PCDH15: variants seen among roughly 807,000 people sequenced by gnomAD.
PCDH15 encodes the protein protocadherin-15.
In PCDH15, 129 loss-of-function variants were observed where a neutral mutation model predicts 178.5. The observed-to-expected ratio is 0.72, with a 90% CI of 0.63 to 0.84. PCDH15 has a LOEUF of 0.84. Ranked by LOEUF, PCDH15 falls within the 40% of genes least tolerant of loss-of-function variation. The pLI is 0.00. For synonymous variants in PCDH15, 800 were observed against 732.0 expected (o/e 1.09, Z -1.50); for missense variants, 2,230 against 2,099.9 (o/e 1.06, Z -1.21).
chr10:54,567,006 G>T (rs943290120), intron 2 of PCDH15, among the ~76,000 whole-genome samples: 1 of 152,054 alleles, frequency 6.6e-6, no homozygotes, highest in Admixed American at 6.6e-5. Context: ...TGTCATCAGG[G>T]TTTAGAATTT....
intron 2 of PCDH15, among the ~76,000 whole-genome samples, chr10:54,660,247 G>A (rs1023150974): frequency 1.3e-5 from 2 of 151,950 alleles, no homozygotes; most frequent in Admixed American, 1.3e-4. Context: ...ATAAAAATGT[G>A]GCATTACAAC....
chr10:53,961,864 C>G lies in PCDH15; in HGVS notation c.2897G>C (p.Arg966Thr), dbSNP rs568865061. 7.1e-5 allele frequency: 115 copies of G among 1,610,422 alleles called. No individual in the cohort carries two copies. The South Asian group carries it at 1.1e-3, about 16-fold the overall frequency. The change falls in exon 22 of 38, where the codon AGA becomes ACA. Residue 966 changes from arginine to threonine, a missense_variant. Coordinates refer to ENST00000644397, the MANE Select transcript of PCDH15 (RefSeq NM_001384140.1). Reference sequence around the variant, plus strand: ...GTAAGGAAACTGTACATCATCTACTCTATACCTCACACGACTTGCAGGTAA... The same window carrying G: ...GTAAGGAAACTGTACATCATCTACTGTATACCTCACACGACTTGCAGGTAA... The part of the protein sequence containing the change: ...PGLPASRVRY[R>T]VDDVQFPYPA...
chr10:54,754,942 C>CTTCCTTTTTTTT (rs775058954), intron 1 of PCDH15, among the ~76,000 whole-genome samples: 6 of 33,848 alleles, frequency 1.8e-4, no homozygotes, highest in Admixed American at 4.1e-4. Flanking sequence ...GTTTTTCTTT[C>CTTCCTTTTTTTT]TTTTTTTTTT....
intron 1 of PCDH15, among the ~76,000 whole-genome samples, chr10:55,220,354 C>T (rs191566760): frequency 7.9e-5 from 12 of 152,020 alleles, no homozygotes; most frequent in African/African-American, 2.2e-4. Context: ...TTTTATGGCA[C>T]GATACAGGAA....
intron 3 of PCDH15, among the ~76,000 whole-genome samples, chr10:54,509,105 A>G (rs1322103996): frequency 6.6e-6 from 1 of 152,114 alleles, no homozygotes; most frequent in African/African-American, 2.4e-5. Flanking sequence ...AAATTTTCAG[A>G]TTAGGGATGT....
At chr10:54,892,846 C>T (rs1309527862) in intron 3 of PCDH15, among the ~76,000 whole-genome samples, 2 of 151,526 alleles carry the variant, frequency 1.3e-5, no homozygotes, top group East Asian at 1.9e-4. Flanking sequence ...CTTGCCTCAG[C>T]TTTCTGAGTA....
chr10:54,284,789 T>G (rs2058931112), intron 8 of PCDH15, among the ~76,000 whole-genome samples: 1 of 152,134 alleles, frequency 6.6e-6, no homozygotes. Context: ...ATATGAAGCA[T>G]TATCTAAGAC....
At chr10:55,507,265 T>C (rs1261000917) in intron 2 of PCDH15, among the ~76,000 whole-genome samples, 2 of 151,674 alleles carry the variant, frequency 1.3e-5, no homozygotes, top group Non-Finnish European at 3.0e-5. Flanking sequence ...AATATGTGGC[T>C]ACTTTTAGAT....
intron 3 of PCDH15, among the ~76,000 whole-genome samples, chr10:54,831,325 A>G (rs1430370014): frequency 6.6e-6 from 1 of 152,160 alleles, no homozygotes; most frequent in African/African-American, 2.4e-5. Context: ...CTTATTGTCA[A>G]CATTTGAAAT....
At chr10:54,420,773 G>T in intron 3 of PCDH15, among the ~76,000 whole-genome samples, 1 of 152,076 alleles carries the variant, frequency 6.6e-6, no homozygotes, top group Admixed American at 6.6e-5. Flanking sequence ...AGGAAATACT[G>T]AGAATAGTTG....
At chr10:54,149,747 T>C (rs75414844) in intron 14 of PCDH15, among the ~76,000 whole-genome samples, 2,354 of 152,254 alleles carry the variant, frequency 0.015, 76 homozygotes, top group African/African-American at 0.054. Flanking sequence ...ACCCAGGCTA[T>C]TGTGTTGAGA....
intron 3 of PCDH15, among the ~76,000 whole-genome samples, chr10:54,846,796 C>G (rs1046368506): frequency 6.6e-6 from 1 of 152,018 alleles, no homozygotes; most frequent in Non-Finnish European, 1.5e-5. Context: ...GGTGACAGGT[C>G]TGTGAATTCA....
chr10:55,346,642 G>A (rs1233385226), intron 2 of PCDH15, among the ~76,000 whole-genome samples: 1 of 150,766 alleles, frequency 6.6e-6, no homozygotes, highest in African/African-American at 2.4e-5. Flanking sequence ...CACGCATTTT[G>A]GAATCATGCA....
At chr10:55,606,506 G>C (rs1438522081) in intron 2 of PCDH15, among the ~76,000 whole-genome samples, 7 of 147,744 alleles carry the variant, frequency 4.7e-5, no homozygotes, top group Admixed American at 1.4e-4. Flanking sequence ...ATACTACAAG[G>C]CTACAGTAAC....
intron 8 of PCDH15, among the ~76,000 whole-genome samples, chr10:54,297,454 G>A (rs949447965): frequency 6.6e-6 from 1 of 152,094 alleles, no homozygotes; most frequent in African/African-American, 2.4e-5. Context: ...AATACCTTAT[G>A]TCCAAGCTTT....
chr10:54,644,087 C>T lies in PCDH15; in HGVS notation c.91+20085G>A, dbSNP rs548380953. ...TGTGGTGTTTGGTTTTTTGTCCTTG[C>T]GAAAGTTTACTGGGAATGATGATTT... On this transcript the variant is annotated intron_variant, in intron 2 of 37. Transcript: ENST00000644397. 5.9e-4 allele frequency among the ~76,000 whole-genome samples: 86 copies of T among 146,628 alleles called. No individual in the cohort carries two copies. In the East Asian group the frequency reaches 0.015, roughly 26 times the overall value.
intron 1 of PCDH15, among the ~76,000 whole-genome samples, chr10:55,243,973 A>G (rs1362334715): frequency 1.3e-5 from 2 of 152,106 alleles, no homozygotes; most frequent in Admixed American, 6.5e-5. Context: ...AAAACTTTGT[A>G]GTCTTGGATA....
chr10:54,428,483 G>A (rs1043518611), intron 3 of PCDH15, among the ~76,000 whole-genome samples: 1 of 152,168 alleles, frequency 6.6e-6, no homozygotes, highest in African/African-American at 2.4e-5. Flanking sequence ...CAGGCAACTT[G>A]TACCTTCACG....
At chr10:55,147,832 C>T (rs922838020) in intron 2 of PCDH15, among the ~76,000 whole-genome samples, 1 of 151,352 alleles carries the variant, frequency 6.6e-6, no homozygotes. Context: ...CCTCTTCCTC[C>T]TTTTTCTCCT....
Sources: allele counts gnomAD v4.1 joint callset (sites outside exome capture counted in the v4.1 genomes callset), GRCh38; gene constraint gnomAD v4.1.1; transcripts MANE v1.5; gene names NCBI Gene and HGNC (gene_info 2026-07-23, HGNC 2026-07-21).